Variants in CBLB observed in about 807,000 individuals in gnomAD.
The protein encoded by CBLB is E3 ubiquitin-protein ligase CBL-B.
In CBLB, 31 loss-of-function variants were observed where a neutral mutation model predicts 104.9. The ratio of observed to expected loss-of-function variants is 0.30; its 90% CI spans 0.22 to 0.40. The LOEUF (loss-of-function observed/expected upper bound fraction) is 0.40, where lower values mean the gene tolerates loss of function less well. Ranked by LOEUF, CBLB falls within the 10% of genes least tolerant of loss-of-function variation. The pLI is 1.00. For synonymous variants in CBLB, 440 were observed against 422.6 expected (o/e 1.04, Z -0.51); for missense variants, 1,062 against 1,214.6 (o/e 0.87, Z 1.87).
chr3:105,767,701 T>G (rs1560153136), intron 4 of CBLB, among the ~76,000 whole-genome samples: 1 of 152,142 alleles, frequency 6.6e-6, no homozygotes, highest in Admixed American at 6.5e-5. Context: ...AATAGAATAT[T>G]TATTATATGC....
chr3:105,662,432 T>C (rs1188745192), intron 18 of CBLB, among the ~76,000 whole-genome samples: 2 of 152,144 alleles, frequency 1.3e-5, no homozygotes, highest in African/African-American at 4.8e-5. Flanking sequence ...TCCTTAAAAA[T>C]AGTTATTTTG....
chr3:105,683,034 C>CGAT (rs2066512282), intron 14 of CBLB, among the ~76,000 whole-genome samples: 3 of 152,206 alleles, frequency 2.0e-5, no homozygotes, highest in African/African-American at 7.2e-5. Flanking sequence ...ATGGAAGAGA[C>CGAT]GGATATTTGA....
At chr3:105,667,428 TAC>T (rs1292639564) in intron 18 of CBLB, among the ~76,000 whole-genome samples, 1 of 152,182 alleles carries the variant, frequency 6.6e-6, no homozygotes, top group Non-Finnish European at 1.5e-5. Flanking sequence ...ATGTGAATAA[TAC>T]ATCCATGTAA....
chr3:105,716,243 T>G (rs1364988906), intron 10 of CBLB, among the ~76,000 whole-genome samples: 1 of 152,192 alleles, frequency 6.6e-6, no homozygotes, highest in East Asian at 1.9e-4. Flanking sequence ...ATCAGTTTGA[T>G]GCTCTGTGTA....
intron 3 of CBLB, among the ~76,000 whole-genome samples, chr3:105,780,653 G>GTTTTTTTTTTTTTT (rs1245925965): frequency 1.7e-4 from 14 of 84,678 alleles, no homozygotes; most frequent in South Asian, 4.2e-4. Context: ...TAAAAGTTTT[G>GTTTTTTTTTTTTTT]TTTTTTGTTT....
chr3:105,727,166 T>A (rs979771665), intron 9 of CBLB, among the ~76,000 whole-genome samples: 7 of 152,128 alleles, frequency 4.6e-5, no homozygotes, highest in Non-Finnish European at 1.0e-4. Context: ...TACACTCTCA[T>A]CAACAGTGTA....
intron 12 of CBLB, among the ~76,000 whole-genome samples, chr3:105,697,371 A>T (rs1046829316): frequency 6.6e-6 from 1 of 152,050 alleles, no homozygotes; most frequent in Non-Finnish European, 1.5e-5. Flanking sequence ...TAAAAACTGA[A>T]GATTAAAACA....
At chr3:105,690,759 T>A (rs1438163995) in intron 13 of CBLB, among the ~76,000 whole-genome samples, 1 of 151,206 alleles carries the variant, frequency 6.6e-6, no homozygotes, top group Non-Finnish European at 1.5e-5. Flanking sequence ...GAGGCAGAGG[T>A]TGCAGTGAGC....
At chr3:105,851,501 A>G (rs6807382) in intron 3 of CBLB, among the ~76,000 whole-genome samples, 100,891 of 152,040 alleles carry the variant, frequency 0.66, 34,691 homozygotes, top group Middle Eastern at 0.8. Flanking sequence ...GCACAACACA[A>G]AAAGTGGACC....
At chr3:105,867,034 G>A (rs529565269) in intron 2 of CBLB, among the ~76,000 whole-genome samples, 4 of 152,144 alleles carry the variant, frequency 2.6e-5, no homozygotes, top group African/African-American at 9.7e-5. Context: ...TGTCATGAGT[G>A]GTCAAAGACT....
intron 3 of CBLB, among the ~76,000 whole-genome samples, chr3:105,804,935 G>T (rs2083321998): frequency 6.6e-6 from 1 of 152,192 alleles, no homozygotes. Flanking sequence ...TCTAAAAAAA[G>T]TAAGCAACAT....
chr3:105,738,977 T>C (rs2075254079), intron 7 of CBLB, among the ~76,000 whole-genome samples: 1 of 152,190 alleles, frequency 6.6e-6, no homozygotes. Context: ...TGGCACGATG[T>C]TGTCACTGTA....
At position 105,853,634 on chromosome 3, in the gene CBLB, A is replaced by C. The variant is rs777887307; in HGVS notation, c.199T>G (p.Leu67Val). The C allele has an allele frequency of 6.2e-7, 1 of 1,608,510 alleles. No homozygotes were observed. The highest frequency in any genetic ancestry group is 1.1e-5 in the South Asian group (1 of 90,892). Reference protein sequence around the residue: ...VRLCQNPKLQLKNSPPYILDI... With the variant: ...VRLCQNPKLQVKNSPPYILDI... ...AGTATATATGGTGGGCTATTTTTCA[A>C]CTGAAGTTTGGGATTTTGGCACAGT... Residue 67 changes from leucine to valine, a missense_variant, in exon 3 of 19, where the codon TTG becomes GTG. By Grantham distance (32) the Leu-to-Val change is conservative. Around this residue, in one of 2 missense-constraint regions of CBLB, gnomAD observed 457 missense variants for 632.0 expected, o/e 0.72. Coordinates refer to ENST00000394030, the MANE Select transcript of CBLB (RefSeq NM_170662.5).
upstream of CBLB, chr3:105,869,013 AC>A (rs1706696738): frequency 1.0e-6 from 1 of 1,004,802 alleles, no homozygotes; most frequent in Non-Finnish European, 1.2e-6. Flanking sequence ...CTCGCTGGAC[AC>A]CCCACCCCTG....
At chr3:105,710,252 C>G (rs571720244) in intron 10 of CBLB, among the ~76,000 whole-genome samples, 1 of 151,986 alleles carries the variant, frequency 6.6e-6, no homozygotes, top group East Asian at 1.9e-4. Flanking sequence ...AGTATCATGT[C>G]CTTTTGAGCA....
chr3:105,819,352 TG>T (rs1042235503), intron 3 of CBLB, among the ~76,000 whole-genome samples: 3 of 152,048 alleles, frequency 2.0e-5, no homozygotes, highest in African/African-American at 7.2e-5. Context: ...CCAGGCGTGG[TG>T]GCACATGCCT....
intron 4 of CBLB, among the ~76,000 whole-genome samples, chr3:105,757,563 C>T (rs1321056252): frequency 6.6e-6 from 1 of 152,118 alleles, no homozygotes; most frequent in Non-Finnish European, 1.5e-5. Context: ...ATGTTTACTT[C>T]ATAAAAATTT....
chr3:105,668,916 A>T (rs1299325078), intron 18 of CBLB, among the ~76,000 whole-genome samples: 1 of 152,186 alleles, frequency 6.6e-6, no homozygotes, highest in Admixed American at 6.5e-5. Context: ...GTTTTAGCTT[A>T]AAAAAATTTT....
At chr3:105,774,001 A>C (rs1378772077) in intron 4 of CBLB, among the ~76,000 whole-genome samples, 1 of 152,230 alleles carries the variant, frequency 6.6e-6, no homozygotes, top group East Asian at 1.9e-4. Flanking sequence ...TATAGTTTGA[A>C]TGCCCCTTCC....
Sources: gnomAD v4.1 joint callset for allele counts (sites outside exome capture counted in the v4.1 genomes callset) on GRCh38, gnomAD v4.1.1 for gene constraint, gnomAD v4.1.1 regional missense constraint, MANE v1.5 for transcripts, NCBI Gene and HGNC (gene_info 2026-07-23, HGNC 2026-07-21) for gene names.